ZNF428: variants seen among roughly 807,000 people sequenced by gnomAD.
ZNF428 encodes the protein zinc finger protein 428.
In ZNF428, 5 loss-of-function variants were observed where a neutral mutation model predicts 15.6. The observed-to-expected ratio is 0.32, with a 90% confidence interval of 0.17 to 0.67. The LOEUF (loss-of-function observed/expected upper bound fraction) is 0.67, where lower values mean the gene tolerates loss of function less well. Ranked by LOEUF, ZNF428 falls within the 30% of genes least tolerant of loss-of-function variation. The pLI is 0.73. For missense variants in ZNF428, 237 were observed against 256.0 expected, an observed-to-expected ratio of 0.93 and a Z score of 0.51; for synonymous variants, 97 against 102.2, an observed-to-expected ratio of 0.95 and a Z score of 0.31.
chr19:43,610,645 T>C (rs997921568), intron 2 of ZNF428, among the ~76,000 whole-genome samples: 1 of 152,206 alleles, frequency 6.6e-6, no homozygotes, highest in Non-Finnish European at 1.5e-5. Flanking sequence ...AAAGTACTTA[T>C]GACATATTTA....
At chr19:43,610,827 CCAGT>C (rs1478746353) in intron 2 of ZNF428, among the ~76,000 whole-genome samples, 1 of 152,126 alleles carries the variant, frequency 6.6e-6, no homozygotes, top group African/African-American at 2.4e-5. Flanking sequence ...TCCCAGGCAG[CCAGT>C]CACTTTTTTT....
At chr19:43,610,812 C>G (rs1171605745) in intron 2 of ZNF428, among the ~76,000 whole-genome samples, 1 of 152,120 alleles carries the variant, frequency 6.6e-6, no homozygotes, top group African/African-American at 2.4e-5. Flanking sequence ...TCCCAGACCT[C>G]CTCATCCCAG....
chr19:43,612,078 T>C lies in ZNF428; in HGVS notation c.76+2151A>G, dbSNP rs909349963. On this transcript the variant is annotated intron_variant, in intron 2 of 2. Transcript: ENST00000300811. This position sits in a 1 kb window ranked among gnomAD's most constrained non-coding sequence, Gnocchi z 4.2. ...TCGTCCACGGCTACCAGGTGTTTCATGTCTACTGTGACTTCCAGGACCACA... is the reference window on the plus strand; with the variant it reads ...TCGTCCACGGCTACCAGGTGTTTCACGTCTACTGTGACTTCCAGGACCACA... 2.1e-5 allele frequency: 30 copies of C among 1,434,976 alleles called. No individual in the cohort carries two copies. The Admixed American group carries it at 2.8e-4, about 13-fold the overall frequency. 88.9% of individuals were successfully genotyped at this position (1,434,976 alleles called of 1,614,324 possible). A position where few individuals can be genotyped will look rare whatever the true frequency, so the allele number is the denominator to read the frequency against.
At chr19:43,608,940 CAAA>C (rs201526533) in intron 2 of ZNF428, among the ~76,000 whole-genome samples, 2 of 62,336 alleles carry the variant, frequency 3.2e-5, no homozygotes, top group Admixed American at 1.8e-4. Flanking sequence ...TAGAAAAAAG[CAAA>C]AAAAAAAAAA....
At chr19:43,615,120 C>T (rs542788597) in intron 1 of ZNF428, among the ~76,000 whole-genome samples, 18 of 152,176 alleles carry the variant, frequency 1.2e-4, no homozygotes, top group African/African-American at 4.3e-4. Context: ...GAAAAAAAAC[C>T]CTCAAACTGT....
chr19:43,615,931 G>A (rs1973367764), intron 1 of ZNF428, among the ~76,000 whole-genome samples: 1 of 152,202 alleles, frequency 6.6e-6, no homozygotes, highest in South Asian at 2.1e-4. Flanking sequence ...TTTTTACGGA[G>A]GCTTTAAGAC....
rs139506139 is a variant in ZNF428 at position 43,613,652 on chromosome 19, C to T, written c.76+577G>A. ...CCCCAGCAAGGAGAGACAGTGCAGA[C>T]AATCTAGAAGCTCCAGCAAAGAGAG... On this transcript the variant is annotated intron_variant, in intron 2 of 2. Transcript: ENST00000300811. The T allele has an allele frequency of 1.7e-4, 265 of 1,548,686 alleles. No individual in the cohort carries two copies. In the East Asian group the frequency reaches 6.0e-3, roughly 35 times the overall value.
intron 1 of ZNF428, among the ~76,000 whole-genome samples, chr19:43,617,400 A>G (rs1973382432): frequency 6.6e-6 from 1 of 152,190 alleles, no homozygotes; most frequent in Non-Finnish European, 1.5e-5. Context: ...AATGGTGGAA[A>G]ATACATGGTC....
rs188440926 is a variant in ZNF428, at chr19:43,607,580, C to T, written c.*37G>A. On this transcript the variant is annotated 3_prime_UTR_variant, in exon 3 of 3. Transcript: ENST00000300811. The surrounding 1 kb of genome is among the most constrained non-coding windows in gnomAD (Gnocchi z 5.1). ...TTTCCTCAGCCCCCTCCTCCCACCC[C>T]ACCCCTTCTGCCAAGCTCCCCGTAT... The T allele has an allele frequency of 1.4e-5, 21 of 1,542,046 alleles. No homozygotes were observed. The Admixed American group carries it at 2.7e-4, about 20-fold the overall frequency.
Position 43,612,640 on chromosome 19 carries a change from C to G in ZNF428, c.76+1589G>C. 1.9e-6 allele frequency: 3 copies of G among 1,551,446 alleles called. No individual in the cohort carries two copies. The stretch of plus-strand genomic sequence containing the variant: ...AAAAAGGGAGCCGGGGAAAGAGTTA[C>G]GGCCGGCCTAGAACCAGCAACAGGG... On this transcript the variant is annotated intron_variant, in intron 2 of 2. Transcript: ENST00000300811. The surrounding 1 kb of genome is among the most constrained non-coding windows in gnomAD (Gnocchi z 4.2).
At position 43,612,509 on chromosome 19, in the gene ZNF428, C is replaced by T. The variant is rs530911666; in HGVS notation, c.76+1720G>A. 16 of 1,551,170 alleles carry T rather than the reference C, an allele frequency of 1.0e-5. No individual in the cohort carries two copies. The highest frequency in any genetic ancestry group is 1.3e-5 in the Non-Finnish European group (15 of 1,146,954). ...TAGGACACCTGGCAGAAGGGGAAGC[C>T]GCAGCTCCAAGAGGTCACCCAGCAG... On this transcript the variant is annotated intron_variant, in intron 2 of 2. Coordinates refer to ENST00000300811, the MANE Select transcript of ZNF428 (RefSeq NM_182498.4). The surrounding 1 kb of genome is among the most constrained non-coding windows in gnomAD (Gnocchi z 4.2).
At chr19:43,616,056 G>A (rs547273907) in intron 1 of ZNF428, among the ~76,000 whole-genome samples, 1 of 152,334 alleles carries the variant, frequency 6.6e-6, no homozygotes, top group East Asian at 1.9e-4. Context: ...GGAGGTCAGA[G>A]AGATTCTGTT....
chr19:43,615,916 T>C (rs1281682035), intron 1 of ZNF428, among the ~76,000 whole-genome samples: 2 of 152,186 alleles, frequency 1.3e-5, no homozygotes, highest in African/African-American at 4.8e-5. Flanking sequence ...CCCAGTCCTC[T>C]TGGGTTTTTA....
Position 43,607,422 on chromosome 19 carries a change from C to G in ZNF428, c.*195G>C. The G allele has an allele frequency of 1.6e-6, 1 of 609,344 alleles. No individual in the cohort carries two copies. Among genetic ancestry groups the G allele is most frequent in the Non-Finnish European group, 2.7e-6 (1 of 372,184 alleles). The allele number at this position is 609,344 out of a possible 1,614,324, so 37.7% of individuals were successfully genotyped here. ...ACACACACACGGGCGGGAATACACA[C>G]ACACACACACACACTCTGAACCAAC... On this transcript the variant is annotated 3_prime_UTR_variant, in exon 3 of 3. Transcript: ENST00000300811. The surrounding 1 kb of genome is among the most constrained non-coding windows in gnomAD (Gnocchi z 5.1).
chr19:43,613,712 A>G (rs184622544), intron 2 of ZNF428: 2 of 1,551,554 alleles, frequency 1.3e-6, no homozygotes, highest in South Asian at 2.4e-5. Context: ...CAGCAAGGAG[A>G]GACAGCGCAG....
intron 2 of ZNF428, among the ~76,000 whole-genome samples, chr19:43,611,190 C>T (rs1472036816): frequency 6.6e-6 from 1 of 152,192 alleles, no homozygotes; most frequent in Non-Finnish European, 1.5e-5. Flanking sequence ...TGACTGGGAA[C>T]TCCTCAAGGG....
chr19:43,607,394 CAA>C lies in ZNF428; in HGVS notation c.*221_*222del, dbSNP rs1555774890. On this transcript the variant is annotated 3_prime_UTR_variant, in exon 3 of 3. Transcript: ENST00000300811. The surrounding 1 kb of genome is among the most constrained non-coding windows in gnomAD (Gnocchi z 5.1). ...GAATACACACACACACACACACACA[CAA>C]ACACACACACGGGCGGGAATACACA... The C allele has an allele frequency of 3.5e-5, 19 of 546,346 alleles. No homozygotes were observed. The highest frequency in any genetic ancestry group is 6.5e-5 in the East Asian group (2 of 30,840). The allele number at this position is 546,346 out of a possible 1,614,324, so 33.8% of individuals were successfully genotyped here.
intron 1 of ZNF428, 61 bp from the exon 2 acceptor site, chr19:43,614,495 CCCA>C (rs1435116665): frequency 2.1e-6 from 3 of 1,400,596 alleles, no homozygotes; most frequent in Non-Finnish European, 2.8e-6. Context: ...AGCACCCATC[CCCA>C]CCAAGCCCAA....
intron 2 of ZNF428, among the ~76,000 whole-genome samples, chr19:43,611,438 G>C (rs902225655): frequency 3.9e-5 from 6 of 152,010 alleles, no homozygotes; most frequent in African/African-American, 1.5e-4. Flanking sequence ...TCCCACCTCA[G>C]CCTCCCAAGT....
Sources: gnomAD v4.1 joint callset for allele counts (sites outside exome capture counted in the v4.1 genomes callset) on GRCh38, gnomAD v4.1.1 for gene constraint, Gnocchi (gnomAD v3.1) non-coding constraint, MANE v1.5 for transcripts, NCBI Gene and HGNC (gene_info 2026-07-23, HGNC 2026-07-21) for gene names.